KCNH8: variants seen among roughly 807,000 people sequenced by gnomAD.
The protein encoded by KCNH8 is voltage-gated delayed rectifier potassium channel KCNH8.
In KCNH8, 70 loss-of-function variants were observed where a neutral mutation model predicts 103.6. That is an observed-to-expected ratio of 0.68 (90% CI 0.56 to 0.82). KCNH8 has a LOEUF of 0.82. Among genes scored for constraint, KCNH8 ranks in the 40% least tolerant of loss-of-function variants. The pLI is 0.00. For synonymous variants in KCNH8, 498 were observed against 489.4 expected (o/e 1.02, Z -0.23); for missense variants, 1,217 against 1,329.9 (o/e 0.92, Z 1.32).
At chr3:19,261,788 T>C (rs2064439510) in intron 2 of KCNH8, among the ~76,000 whole-genome samples, 1 of 151,726 alleles carries the variant, frequency 6.6e-6, no homozygotes, top group African/African-American at 2.4e-5. Context: ...TTGTGTATGG[T>C]GTATGATATG....
intron 15 of KCNH8, among the ~76,000 whole-genome samples, chr3:19,528,152 A>G (rs2069097740): frequency 6.6e-6 from 1 of 152,078 alleles, no homozygotes; most frequent in Non-Finnish European, 1.5e-5. Flanking sequence ...ATATTAATAA[A>G]CAAATAAGAA....
At chr3:19,317,650 A>G (rs989902796) in intron 3 of KCNH8, among the ~76,000 whole-genome samples, 2 of 151,884 alleles carry the variant, frequency 1.3e-5, no homozygotes, top group Non-Finnish European at 1.5e-5. Context: ...TTGTAAGTCA[A>G]TCATAATCAT....
At chr3:19,152,656 C>G (rs2063141907) in intron 1 of KCNH8, among the ~76,000 whole-genome samples, 2 of 152,216 alleles carry the variant, frequency 1.3e-5, no homozygotes, top group Non-Finnish European at 2.9e-5. Context: ...AAAATTGATG[C>G]TGGGCGCAGT....
At chr3:19,246,620 T>G (rs761022548) in intron 1 of KCNH8, among the ~76,000 whole-genome samples, 1 of 152,118 alleles carries the variant, frequency 6.6e-6, no homozygotes, top group Non-Finnish European at 1.5e-5. Flanking sequence ...AACAGAAAAT[T>G]CAAAAGTTAA....
chr3:19,175,537 T>C (rs1285042840), intron 1 of KCNH8, among the ~76,000 whole-genome samples: 1 of 152,176 alleles, frequency 6.6e-6, no homozygotes, highest in Non-Finnish European at 1.5e-5. Flanking sequence ...TCGGTCATGC[T>C]TTTTTGTACA....
At chr3:19,407,701 G>C (rs1473322941) in intron 7 of KCNH8, among the ~76,000 whole-genome samples, 1 of 152,104 alleles carries the variant, frequency 6.6e-6, no homozygotes, top group East Asian at 1.9e-4. Context: ...CAGAGCACCT[G>C]TTTCCCTGGT....
intron 3 of KCNH8, among the ~76,000 whole-genome samples, chr3:19,282,048 G>A (rs1037075488): frequency 6.6e-6 from 1 of 152,062 alleles, no homozygotes; most frequent in African/African-American, 2.4e-5. Flanking sequence ...ATTATCCTTT[G>A]TGGATTTCTA....
chr3:19,452,595 A>G (rs1575082406), intron 10 of KCNH8, among the ~76,000 whole-genome samples: 1 of 152,160 alleles, frequency 6.6e-6, no homozygotes, highest in South Asian at 2.1e-4. Flanking sequence ...GAGGCAGGTG[A>G]ATTCAGGATG....
At chr3:19,334,158 A>C (rs575622943) in intron 3 of KCNH8, among the ~76,000 whole-genome samples, 1 of 152,258 alleles carries the variant, frequency 6.6e-6, no homozygotes, top group African/African-American at 2.4e-5. Context: ...TTCTGGGAAG[A>C]GTCACTCACT....
At chr3:19,529,338 T>C in intron 15 of KCNH8, among the ~76,000 whole-genome samples, 2 of 152,286 alleles carry the variant, frequency 1.3e-5, no homozygotes. Context: ...TGAAGATGTA[T>C]CTTCTTTTTT....
chr3:19,264,115 A>G (rs1185291880), intron 2 of KCNH8, among the ~76,000 whole-genome samples: 1 of 152,022 alleles, frequency 6.6e-6, no homozygotes, highest in African/African-American at 2.4e-5. Context: ...ATTCTCCAAT[A>G]TATATTTTCA....
At chr3:19,171,696 G>T (rs2125194477) in intron 1 of KCNH8, among the ~76,000 whole-genome samples, 1 of 152,190 alleles carries the variant, frequency 6.6e-6, no homozygotes, top group Middle Eastern at 3.4e-3. Flanking sequence ...TTTTAAGGGA[G>T]CAAGGAAATG....
At chr3:19,295,398 A>ATAAATAAAT (rs1366283940) in intron 3 of KCNH8, among the ~76,000 whole-genome samples, 2 of 151,426 alleles carry the variant, frequency 1.3e-5, no homozygotes, top group Non-Finnish European at 2.9e-5. Flanking sequence ...AAATAAATAA[A>ATAAATAAAT]TAAATAAATA....
At chr3:19,210,560 TA>T (rs200279086) in intron 1 of KCNH8, among the ~76,000 whole-genome samples, 3 of 150,852 alleles carry the variant, frequency 2.0e-5, no homozygotes, top group Admixed American at 6.6e-5. Context: ...AATGCCCATT[TA>T]AAAAAATATA....
chr3:19,496,468 C>T (rs2068443973), intron 11 of KCNH8, among the ~76,000 whole-genome samples: 1 of 151,712 alleles, frequency 6.6e-6, no homozygotes, highest in Non-Finnish European at 1.5e-5. Flanking sequence ...TTTTTTATTT[C>T]AGTTCTCTTT....
At chr3:19,443,224 AG>A in intron 8 of KCNH8, among the ~76,000 whole-genome samples, 1 of 151,834 alleles carries the variant, frequency 6.6e-6, no homozygotes. Context: ...TAAATGAGAA[AG>A]GGGACTGGCA....
At chr3:19,240,580 C>A (rs1338099862) in intron 1 of KCNH8, among the ~76,000 whole-genome samples, 1 of 151,158 alleles carries the variant, frequency 6.6e-6, no homozygotes, top group Non-Finnish European at 1.5e-5. Context: ...CCACTGTACT[C>A]CAGCCTGGGC....
At chr3:19,169,428 A>G (rs940292902) in intron 1 of KCNH8, among the ~76,000 whole-genome samples, 1 of 151,610 alleles carries the variant, frequency 6.6e-6, no homozygotes, top group African/African-American at 2.4e-5. Context: ...TTGTATTTTT[A>G]GTAGAGATGG....
At chr3:19,294,815 A>G (rs889531440) in intron 3 of KCNH8, among the ~76,000 whole-genome samples, 1 of 152,180 alleles carries the variant, frequency 6.6e-6, no homozygotes, top group Non-Finnish European at 1.5e-5. Flanking sequence ...TAGTCATGGC[A>G]TGCTTCACCA....
Sources: gnomAD v4.1 joint callset for allele counts (sites outside exome capture counted in the v4.1 genomes callset) on GRCh38, gnomAD v4.1.1 for gene constraint, MANE v1.5 for transcripts, NCBI Gene and HGNC (gene_info 2026-07-23, HGNC 2026-07-21) for gene names.